The following TAF3 variants were observed in gnomAD, a reference collection of about 807,000 sequenced individuals.
TAF3 encodes the protein TATA-box binding protein associated factor 3.
In TAF3, 7 loss-of-function variants were observed where a neutral mutation model predicts 80.6. The observed-to-expected ratio is 0.09, with a 90% CI of 0.05 to 0.16. The LOEUF is 0.16. TAF3 is among the 10% of genes least tolerant of loss of function. The pLI, the probability that TAF3 is intolerant of heterozygous loss-of-function variation, is 1.00. For missense variants in TAF3, 921 were observed against 1,140.2 expected, an observed-to-expected ratio of 0.81 and a Z score of 2.77; for synonymous variants, 444 against 446.1, an observed-to-expected ratio of 1.00 and a Z score of 0.06.
intron 2 of TAF3, among the ~76,000 whole-genome samples, chr10:7,877,931 A>G (rs1290916086): frequency 2.0e-5 from 3 of 152,210 alleles, no homozygotes; most frequent in Non-Finnish European, 4.4e-5. Context: ...CAGATCTCAA[A>G]TACATTGGAG....
chr10:8,002,555 G>A (rs79099540), intron 4 of TAF3, among the ~76,000 whole-genome samples: 4,679 of 152,166 alleles, frequency 0.031, 107 homozygotes, highest in African/African-American at 0.056. Context: ...ATAGAGCAGG[G>A]GTAACAAATC....
chr10:7,926,389 T>C (rs1310665908), intron 2 of TAF3, among the ~76,000 whole-genome samples: 1 of 152,216 alleles, frequency 6.6e-6, no homozygotes, highest in Non-Finnish European at 1.5e-5. Context: ...TTCATAATTT[T>C]GATGATTCAT....
At chr10:7,995,305 AAACTT>A (rs1182173160) in intron 4 of TAF3, among the ~76,000 whole-genome samples, 2 of 152,182 alleles carry the variant, frequency 1.3e-5, no homozygotes, top group African/African-American at 4.8e-5. Context: ...AATTTTTCTA[AAACTT>A]AACTTTCTGA....
At chr10:7,968,000 T>TC (rs988050769) in intron 3 of TAF3, among the ~76,000 whole-genome samples, 1 of 152,132 alleles carries the variant, frequency 6.6e-6, no homozygotes, top group Non-Finnish European at 1.5e-5. Flanking sequence ...TGTTAAGACT[T>TC]CCCTTTCTTC....
In TAF3 at chr10:7,964,122, G is replaced by A. The variant is rs1217850312; in HGVS notation, c.612G>A (p.Thr204=). 8.7e-6 allele frequency: 14 copies of A among 1,613,984 alleles called. No homozygotes were observed. Among genetic ancestry groups the A allele is most frequent in the Admixed American group, 5.0e-5 (3 of 59,986 alleles). The change falls in exon 3 of 7, where the codon ACG becomes ACA. Residue 204 remains threonine, a synonymous_variant. Transcript: ENST00000344293. This position sits in a 1 kb window ranked among gnomAD's most constrained non-coding sequence, Gnocchi z 4.1. The stretch of plus-strand genomic sequence containing the variant: ...GGCTATTAAGCACTAAAGGGGACAC[G>A]CTAGATGTTGTGTTATTGGAAGCTC... ...RPRLLSTKGD[T]LDVVLLEARE... is the part of the protein sequence containing the mutation.
At chr10:7,927,086 AACAAGC>A (rs1426217297) in intron 2 of TAF3, among the ~76,000 whole-genome samples, 1 of 152,196 alleles carries the variant, frequency 6.6e-6, no homozygotes, top group African/African-American at 2.4e-5. Context: ...ATGATAAAGA[AACAAGC>A]ACTGGTCATG....
intron 2 of TAF3, among the ~76,000 whole-genome samples, chr10:7,847,529 T>G (rs1010396767): frequency 7.9e-5 from 12 of 152,142 alleles, no homozygotes; most frequent in Admixed American, 7.2e-4. Flanking sequence ...CCTGAAGCCC[T>G]GACTTCCTGG....
chr10:7,947,094 T>C (rs933851169), intron 2 of TAF3, among the ~76,000 whole-genome samples: 2 of 152,164 alleles, frequency 1.3e-5, no homozygotes, highest in African/African-American at 4.8e-5. Flanking sequence ...GCTTATACTT[T>C]CTCTTCATTG....
chr10:7,853,898 A>C (rs1837052743), intron 2 of TAF3, among the ~76,000 whole-genome samples: 1 of 152,262 alleles, frequency 6.6e-6, no homozygotes, highest in South Asian at 2.1e-4. Flanking sequence ...CTGATAGATA[A>C]GTTTTGGAAA....
chr10:7,947,221 C>T (rs904952804), intron 2 of TAF3, among the ~76,000 whole-genome samples: 1 of 152,238 alleles, frequency 6.6e-6, no homozygotes, highest in East Asian at 1.9e-4. Flanking sequence ...GCCCTTGGTT[C>T]TCTGCTCTGC....
Position 7,964,979 on chromosome 10 carries a change from C to T in TAF3, c.1469C>T (p.Pro490Leu), listed in dbSNP as rs573127367. The change falls in exon 3 of 7, where the codon CCT (proline) becomes CTT (leucine). Residue 490 changes from proline to leucine, a missense_variant. Around this residue, in one of 6 missense-constraint regions of TAF3, gnomAD observed 743 missense variants for 821.0 expected, o/e 0.90. Transcript: ENST00000344293. This position sits in a 1 kb window ranked among gnomAD's most constrained non-coding sequence, Gnocchi z 4.1. ...CCTTCAAATATGCCCCCCAACTTTC[C>T]TTATATCTCTTCTCCGTCAGTGTCT... ...GTPSNMPPNF[P>L]YISSPSVSPP... 203 of 1,614,094 alleles carry T rather than the reference C, an allele frequency of 1.3e-4. 1 individual carries two copies. In the South Asian group the frequency reaches 2.1e-3, roughly 16 times the overall value.
At chr10:7,843,454 G>T (rs573031903) in intron 2 of TAF3, among the ~76,000 whole-genome samples, 51 of 152,064 alleles carry the variant, frequency 3.4e-4, no homozygotes, top group African/African-American at 1.2e-3. Context: ...ATCATTTTTT[G>T]ATCTGCTTTT....
chr10:7,975,870 CATAA>C (rs1831668193), intron 3 of TAF3, among the ~76,000 whole-genome samples: 1 of 152,134 alleles, frequency 6.6e-6, no homozygotes, highest in South Asian at 2.1e-4. Context: ...GCTTGAAATA[CATAA>C]ATTAATGTTG....
intron 1 of TAF3, among the ~76,000 whole-genome samples, chr10:7,823,721 G>A (rs867778518): frequency 1.2e-4 from 17 of 146,570 alleles, no homozygotes; most frequent in African/African-American, 3.3e-4. Flanking sequence ...TGCAACCTCC[G>A]CCTCCTGGGT....
intron 2 of TAF3, among the ~76,000 whole-genome samples, chr10:7,922,207 G>T (rs1837769107): frequency 6.6e-6 from 1 of 152,032 alleles, no homozygotes; most frequent in Non-Finnish European, 1.5e-5. Flanking sequence ...ACTTGAATTT[G>T]TTTTTGCTCA....
chr10:7,957,827 C>T (rs915097908), intron 2 of TAF3, among the ~76,000 whole-genome samples: 48 of 150,630 alleles, frequency 3.2e-4, no homozygotes, highest in African/African-American at 1.1e-3. Context: ...CTCTCTCTCT[C>T]GATGTTGGAA....
intron 2 of TAF3, among the ~76,000 whole-genome samples, chr10:7,863,213 G>A (rs1331999952): frequency 1.3e-5 from 2 of 152,134 alleles, no homozygotes; most frequent in African/African-American, 4.8e-5. Context: ...TCAAATCAAT[G>A]TATCATCTAC....
chr10:7,859,328 T>G (rs968723628), intron 2 of TAF3, among the ~76,000 whole-genome samples: 2 of 151,868 alleles, frequency 1.3e-5, no homozygotes, highest in Non-Finnish European at 2.9e-5. Flanking sequence ...AAGAGAAGTG[T>G]GATGCCTCTT....
intron 2 of TAF3, among the ~76,000 whole-genome samples, chr10:7,958,366 G>A (rs574031841): frequency 3.3e-5 from 5 of 151,942 alleles, no homozygotes; most frequent in South Asian, 2.1e-4. Flanking sequence ...CACTCAAGTC[G>A]AAAACTTTTT....
Sources: allele counts gnomAD v4.1 joint callset (sites outside exome capture counted in the v4.1 genomes callset), GRCh38; gene constraint gnomAD v4.1.1; regional missense constraint gnomAD v4.1.1; non-coding constraint Gnocchi (gnomAD v3.1); transcripts MANE v1.5; gene names NCBI Gene and HGNC (gene_info 2026-07-23, HGNC 2026-07-21).